HERC1: variants seen among roughly 807,000 people sequenced by gnomAD.
HERC1 encodes the protein HECT and RLD domain containing E3 ubiquitin protein ligase family member 1.
A neutral mutation model predicts 554.3 loss-of-function variants in HERC1; 160 were observed. The observed-to-expected ratio is 0.29, with a 90% confidence interval of 0.25 to 0.33. HERC1 has a LOEUF of 0.33. Ranked by LOEUF, HERC1 falls within the 10% of genes least tolerant of loss-of-function variation. The pLI, the probability that HERC1 is intolerant of heterozygous loss-of-function variation, is 1.00. For missense variants in HERC1, 4,919 were observed against 5,918.5 expected (o/e 0.83, Z 5.54); for synonymous variants, 2,175 against 2,131.7 (o/e 1.02, Z -0.56).
At chr15:63,769,435 T>TA (rs2075883042) in intron 2 of HERC1, among the ~76,000 whole-genome samples, 1 of 151,976 alleles carries the variant, frequency 6.6e-6, no homozygotes, top group Admixed American at 6.6e-5. Flanking sequence ...AAAACAGGGC[T>TA]AAAGCTGGGC....
At chr15:63,713,317 G>A (rs766514877) in intron 23 of HERC1, 36 bp downstream of exon 23, 9 of 1,532,746 alleles carry the variant, frequency 5.9e-6, no homozygotes, top group Admixed American at 1.7e-5. Context: ...AAAGGGAAGT[G>A]AGTAGGTCAT....
At chr15:63,637,274 C>CA (rs2068824206) in intron 64 of HERC1, 1 of 563,858 alleles carries the variant, frequency 1.8e-6, no homozygotes, top group South Asian at 1.9e-5. Context: ...CAGTGGGTCT[C>CA]AAAAAGTGTT....
intron 1 of HERC1, among the ~76,000 whole-genome samples, chr15:63,800,829 G>A (rs1260894008): frequency 6.6e-6 from 1 of 152,164 alleles, no homozygotes; most frequent in East Asian, 1.9e-4. Flanking sequence ...TGCTAATGAG[G>A]TGACTCTTAG....
chr15:63,746,269 T>A (rs1346512787), intron 12 of HERC1, among the ~76,000 whole-genome samples: 1 of 152,156 alleles, frequency 6.6e-6, no homozygotes, highest in Non-Finnish European at 1.5e-5. Flanking sequence ...TCTTGTAATT[T>A]CTTTCTTTGA....
At chr15:63,818,950 G>A (rs1009977914) in intron 1 of HERC1, among the ~76,000 whole-genome samples, 1 of 152,154 alleles carries the variant, frequency 6.6e-6, no homozygotes, top group African/African-American at 2.4e-5. Flanking sequence ...TAGAATTATA[G>A]TTTTAATCTA....
intron 1 of HERC1, among the ~76,000 whole-genome samples, chr15:63,819,706 T>C (rs1313079881): frequency 6.6e-6 from 1 of 152,160 alleles, no homozygotes; most frequent in Non-Finnish European, 1.5e-5. Context: ...CACCCATATA[T>C]CATGGTCCTG....
chr15:63,611,847 G>A (rs547012569), intron 77 of HERC1, among the ~76,000 whole-genome samples: 12 of 152,142 alleles, frequency 7.9e-5, no homozygotes, highest in Non-Finnish European at 1.6e-4. Context: ...GAATCGGCAG[G>A]CCTACTTGAG....
At chr15:63,659,372 C>T (rs930293857) in intron 47 of HERC1, among the ~76,000 whole-genome samples, 2 of 152,232 alleles carry the variant, frequency 1.3e-5, no homozygotes, top group Middle Eastern at 3.4e-3. Context: ...CTGCCTCAGC[C>T]TCCTGAGTAG....
chr15:63,689,456 G>A, intron 33 of HERC1, 133 bp downstream of exon 33: 1 of 580,976 alleles, frequency 1.7e-6, no homozygotes, highest in Admixed American at 3.1e-5. Context: ...CAGTGGAAAG[G>A]GAGACAGAAT....
intron 1 of HERC1, among the ~76,000 whole-genome samples, chr15:63,800,132 C>T (rs1468206269): frequency 6.6e-6 from 1 of 151,790 alleles, no homozygotes; most frequent in Non-Finnish European, 1.5e-5. Flanking sequence ...GACCTAGTCT[C>T]TTAAGAAAAA....
chr15:63,649,748 A>G lies in HERC1; in HGVS notation c.10724T>C (p.Leu3575Ser), dbSNP rs1339243257. 39 of 1,613,540 alleles carry G rather than the reference A, an allele frequency of 2.4e-5. No homozygotes were observed. The highest frequency in any genetic ancestry group is 3.3e-5 in the Non-Finnish European group (39 of 1,179,734). ...VDVSTMHRRE[L>S]EHCYRKDVSV... ...ACCATCCTTTCGATAGCAATGCTCCAATTCTCGACGGTGCATGGTGGACAC... is the reference window on the plus strand; with the variant it reads ...ACCATCCTTTCGATAGCAATGCTCCGATTCTCGACGGTGCATGGTGGACAC... The change falls in exon 54 of 78, where the codon TTG (leucine) becomes TCG (serine). Residue 3575 changes from leucine to serine, a missense_variant. Coordinates refer to ENST00000443617, the MANE Select transcript of HERC1 (RefSeq NM_003922.4).
rs1485084928 is a variant in HERC1, at chr15:63,669,522, A to G, written c.8206+16T>C. 5 of 1,612,714 alleles carry G rather than the reference A, an allele frequency of 3.1e-6. No homozygotes were observed. Among genetic ancestry groups the G allele is most frequent in the East Asian group, 2.2e-5 (1 of 44,882 alleles). On this transcript the variant is annotated intron_variant, in intron 40 of 77. Transcript: ENST00000443617. ...ATGCCAACTTTGGATATCATAGTGC[A>G]TATCAGCACACGCACCTGTGCGGTT...
intron 64 of HERC1, 80 bp from the exon 65 acceptor site, chr15:63,636,222 T>A: frequency 1.2e-5 from 14 of 1,161,816 alleles, no homozygotes; most frequent in Non-Finnish European, 1.7e-5. Flanking sequence ...CTGAATACCC[T>A]CAATCAAAAA....
At chr15:63,710,021 T>C (rs187375017) in intron 24 of HERC1, among the ~76,000 whole-genome samples, 1 of 152,306 alleles carries the variant, frequency 6.6e-6, no homozygotes, top group East Asian at 1.9e-4. Context: ...TAGCAAAGGC[T>C]CAAGAGGTAT....
chr15:63,709,255 C>T (rs1006461233), intron 24 of HERC1, among the ~76,000 whole-genome samples: 2 of 152,112 alleles, frequency 1.3e-5, no homozygotes, highest in Non-Finnish European at 2.9e-5. Context: ...AGCAATCCTC[C>T]CACCTCAGCC....
Position 63,655,874 on chromosome 15 carries a change from G to A in HERC1, c.9952C>T (p.Arg3318Ter), listed in dbSNP as rs757749585. Residue 3318 changes from arginine (R) to a stop codon, truncating the protein, a stop_gained, in exon 50 of 78, where the codon CGA becomes TGA. Transcript: ENST00000443617. LOFTEE classifies it high-confidence loss of function. ...AGCTTGTTCTCTTCAGCAATTCCTCGGAGAAAGCTGGGTAGAAACTTTCGC... is the reference window on the plus strand; with the variant it reads ...AGCTTGTTCTCTTCAGCAATTCCTCAGAGAAAGCTGGGTAGAAACTTTCGC... ...IQRKFLPSFL[R>*]GIAEENKLVT... The A allele has an allele frequency of 2.5e-6, 4 of 1,611,546 alleles. No individual in the cohort carries two copies. Among genetic ancestry groups the A allele is most frequent in the Non-Finnish European group, 2.5e-6 (3 of 1,178,886 alleles).
intron 67 of HERC1, among the ~76,000 whole-genome samples, chr15:63,633,256 T>C (rs990659495): frequency 2.6e-5 from 4 of 152,240 alleles, no homozygotes; most frequent in African/African-American, 9.6e-5. Context: ...TCACAGACTA[T>C]AAATGGTGGT....
intron 30 of HERC1, among the ~76,000 whole-genome samples, chr15:63,693,039 G>A (rs2072199696): frequency 1.3e-5 from 2 of 151,886 alleles, no homozygotes; most frequent in South Asian, 2.1e-4. Context: ...AAATTAGATG[G>A]GTGTGGTGGC....
chr15:63,799,263 AG>A (rs778009062), intron 1 of HERC1, among the ~76,000 whole-genome samples: 15 of 152,132 alleles, frequency 9.9e-5, no homozygotes, highest in Non-Finnish European at 2.1e-4. Context: ...CATTTTGGGA[AG>A]CTGAGGTAGA....
Sources: allele counts gnomAD v4.1 joint callset (sites outside exome capture counted in the v4.1 genomes callset), GRCh38; gene constraint gnomAD v4.1.1; transcripts MANE v1.5; gene names NCBI Gene and HGNC (gene_info 2026-07-23, HGNC 2026-07-21).